The following PDE1C variants were observed in gnomAD, a reference collection of about 807,000 sequenced individuals.
The protein encoded by PDE1C is phosphodiesterase 1C.
PDE1C carries 62 observed loss-of-function variants against 93.1 expected under a neutral mutation model. The ratio of observed to expected loss-of-function variants is 0.67; its 90% CI spans 0.54 to 0.82. PDE1C has a LOEUF of 0.82. PDE1C is among the 40% of genes least tolerant of loss of function. The probability of loss-of-function intolerance (pLI) is 0.00; values close to 1 mark genes in which losing one functional copy is unlikely to be tolerated. For synonymous variants in PDE1C, 325 were observed against 310.1 expected, an observed-to-expected ratio of 1.05 and a Z score of -0.50; for missense variants, 742 against 884.6, an observed-to-expected ratio of 0.84 and a Z score of 2.04.
At chr7:32,347,836 C>T (rs1783884597) in intron 1 of PDE1C, among the ~76,000 whole-genome samples, 1 of 152,210 alleles carries the variant, frequency 6.6e-6, no homozygotes, top group African/African-American at 2.4e-5. Flanking sequence ...TGCAGTCCAG[C>T]CAATGCTTTG....
chr7:31,975,367 C>A (rs1477750248), intron 2 of PDE1C, among the ~76,000 whole-genome samples: 1 of 152,142 alleles, frequency 6.6e-6, no homozygotes, highest in African/African-American at 2.4e-5. Flanking sequence ...ACAAAAGCAT[C>A]TGCAATTCTA....
chr7:31,956,361 G>A (rs971504751), intron 2 of PDE1C, among the ~76,000 whole-genome samples: 2 of 152,016 alleles, frequency 1.3e-5, no homozygotes, highest in African/African-American at 4.8e-5. Flanking sequence ...CAAAGTGCTG[G>A]GATTACAGGT....
intron 1 of PDE1C, among the ~76,000 whole-genome samples, chr7:32,412,142 C>T (rs1785182574): frequency 6.6e-6 from 1 of 152,078 alleles, no homozygotes; most frequent in Admixed American, 6.6e-5. Context: ...GAAGTACACT[C>T]TAAAATAAGC....
intron 3 of PDE1C, among the ~76,000 whole-genome samples, chr7:32,163,474 T>A (rs1206749794): frequency 2.0e-5 from 3 of 152,082 alleles, no homozygotes; most frequent in African/African-American, 7.2e-5. Flanking sequence ...TAGCTGAGGG[T>A]GTTGGCTCAA....
At chr7:31,708,769 C>A in the PDE1C span, among the ~76,000 whole-genome samples, 1 of 152,132 alleles carries the variant, frequency 6.6e-6, no homozygotes, top group African/African-American at 2.4e-5. Context: ...AGCAAGCATT[C>A]CCGTTTGCCA....
chr7:32,419,336 A>T (rs181927059), intron 1 of PDE1C, among the ~76,000 whole-genome samples: 2 of 152,332 alleles, frequency 1.3e-5, no homozygotes, highest in East Asian at 3.9e-4. Context: ...TAAAAAGAGT[A>T]CTCAAAAAAT....
At chr7:31,990,159 T>C (rs1315128145) in intron 2 of PDE1C, among the ~76,000 whole-genome samples, 2 of 152,170 alleles carry the variant, frequency 1.3e-5, no homozygotes, top group Non-Finnish European at 2.9e-5. Flanking sequence ...TGGCTCTGTA[T>C]CCCCATCCAA....
chr7:31,691,819 A>AAC, the PDE1C span, among the ~76,000 whole-genome samples: 1 of 151,466 alleles, frequency 6.6e-6, no homozygotes, highest in Non-Finnish European at 1.5e-5. Flanking sequence ...AAAAAAAAAA[A>AAC]AAACCAAGCA....
chr7:31,853,470 G>A (rs1313044856), intron 7 of PDE1C, among the ~76,000 whole-genome samples: 1 of 152,152 alleles, frequency 6.6e-6, no homozygotes, highest in African/African-American at 2.4e-5. Flanking sequence ...AGCAGCAAAA[G>A]CATGTCCACC....
chr7:31,949,116 A>C (rs1037857990), intron 2 of PDE1C, among the ~76,000 whole-genome samples: 1 of 152,136 alleles, frequency 6.6e-6, no homozygotes, highest in Non-Finnish European at 1.5e-5. Flanking sequence ...ACTGATGAAA[A>C]TATGCAACAC....
chr7:31,852,361 C>T (rs2128805562), intron 7 of PDE1C, among the ~76,000 whole-genome samples: 1 of 152,122 alleles, frequency 6.6e-6, no homozygotes, highest in East Asian at 1.9e-4. Flanking sequence ...AATTGAGGTA[C>T]ACGGAACAGA....
the PDE1C span, among the ~76,000 whole-genome samples, chr7:31,693,190 C>A: frequency 6.6e-6 from 1 of 152,110 alleles, no homozygotes; most frequent in African/African-American, 2.4e-5. Flanking sequence ...TTCAAGATTT[C>A]TCCAAAAATG....
chr7:31,944,086 C>T (rs1806233156), intron 2 of PDE1C, among the ~76,000 whole-genome samples: 1 of 152,110 alleles, frequency 6.6e-6, no homozygotes, highest in South Asian at 2.1e-4. Flanking sequence ...GACCAACAGC[C>T]TCCCCTCGAC....
intron 2 of PDE1C, among the ~76,000 whole-genome samples, chr7:31,949,888 T>C (rs1325506244): frequency 6.6e-6 from 1 of 152,206 alleles, no homozygotes; most frequent in Non-Finnish European, 1.5e-5. Flanking sequence ...AAACAGTTGC[T>C]AGTTTACTTT....
At chr7:32,238,720 T>A (rs1039054210) in intron 1 of PDE1C, among the ~76,000 whole-genome samples, 1 of 152,180 alleles carries the variant, frequency 6.6e-6, no homozygotes, top group South Asian at 2.1e-4. Context: ...TGGAATGAAA[T>A]AGAGTTCTAA....
At chr7:32,207,244 C>A (rs1023101682) in intron 2 of PDE1C, among the ~76,000 whole-genome samples, 1 of 152,172 alleles carries the variant, frequency 6.6e-6, no homozygotes, top group Non-Finnish European at 1.5e-5. Flanking sequence ...TGGCCACCCG[C>A]CCCCGCCAAT....
At chr7:32,302,902 G>C (rs1010060064), upstream of PDE1C, among the ~76,000 whole-genome samples, 1 of 152,140 alleles carries the variant, frequency 6.6e-6, no homozygotes, top group East Asian at 1.9e-4. Context: ...GCCCCAATAA[G>C]AGCATCGTGC....
At chr7:31,915,852 A>G (rs1349674639) in intron 2 of PDE1C, among the ~76,000 whole-genome samples, 1 of 152,194 alleles carries the variant, frequency 6.6e-6, no homozygotes, top group Non-Finnish European at 1.5e-5. Flanking sequence ...TGAAAACCCA[A>G]AGATACAAGT....
At chr7:31,741,770 C>T in the PDE1C span, among the ~76,000 whole-genome samples, 2 of 152,132 alleles carry the variant, frequency 1.3e-5, no homozygotes, top group Admixed American at 6.5e-5. Context: ...GGGATGAAGA[C>T]AAGCTTTGGT....
Sources: allele counts gnomAD v4.1 joint callset (sites outside exome capture counted in the v4.1 genomes callset), GRCh38; gene constraint gnomAD v4.1.1; transcripts MANE v1.5; gene names NCBI Gene and HGNC (gene_info 2026-07-23, HGNC 2026-07-21).